Variants in MTOR observed in about 807,000 individuals in gnomAD.
MTOR encodes serine/threonine-protein kinase mTOR.
Under a neutral mutation model 319.8 loss-of-function variants are expected in MTOR, and 70 were observed. The ratio of observed to expected loss-of-function variants is 0.22; its 90% confidence interval spans 0.18 to 0.27. The LOEUF (loss-of-function observed/expected upper bound fraction) is 0.27, where lower values mean the gene tolerates loss of function less well. Ranked by LOEUF, MTOR falls within the 10% of genes least tolerant of loss-of-function variation. MTOR has a pLI of 1.00. For synonymous variants in MTOR, 1,183 were observed against 1,211.4 expected (o/e 0.98, Z 0.49); for missense variants, 1,890 against 3,274.4 (o/e 0.58, Z 10.32).
In MTOR at chr1:11,126,709, T is replaced by C. The variant is rs370987224; in HGVS notation, c.6439A>G (p.Asn2147Asp). Residue 2147 changes from asparagine (N) to aspartate (D), a missense_variant, in exon 46 of 58, where the codon AAC becomes GAC. Transcript: ENST00000361445. ...ELAVPGTYDP[N>D]QPIIRIQSIA... Reference sequence around the variant, plus strand: ...GACTGAATGCGAATGATTGGCTGGTTGGGGTCATATGTTCCTGGCACAGCC... The same window carrying C: ...GACTGAATGCGAATGATTGGCTGGTCGGGGTCATATGTTCCTGGCACAGCC... 6.2e-7 allele frequency: 1 copy of C among 1,614,000 alleles called. No homozygotes were observed. The highest frequency in any genetic ancestry group is 8.5e-7 in the Non-Finnish European group (1 of 1,179,998).
Position 11,126,815 on chromosome 1 carries a change from G to A in MTOR, c.6352-19C>T, listed in dbSNP as rs757434559. ...ATGTGAGCTGTAAATAATTACCAAA[G>A]GATTTAGTGTTCTGCCTCCAGGGAA... is the stretch of plus-strand genomic sequence containing the variant. On this transcript the variant is annotated intron_variant, in intron 45 of 57. Coordinates refer to ENST00000361445, the MANE Select transcript of MTOR (RefSeq NM_004958.4). 4.2e-5 allele frequency: 68 copies of A among 1,610,420 alleles called. No individual in the cohort carries two copies. The highest frequency in any genetic ancestry group is 5.2e-5 in the Non-Finnish European group (61 of 1,178,330).
Position 11,233,505 on chromosome 1 carries a change from G to A in MTOR, c.2332-18C>T. ...ATTAATGCCTAGAGAAAGAAGTTAT[G>A]AGAAAATGAATGCAGATTAGACTCT... On this transcript the variant is annotated intron_variant, in intron 14 of 57. Coordinates refer to ENST00000361445, the MANE Select transcript of MTOR (RefSeq NM_004958.4). 1 of 1,599,560 alleles carries A rather than the reference G, an allele frequency of 6.3e-7. No individual in the cohort carries two copies. The highest frequency in any genetic ancestry group is 8.6e-7 in the Non-Finnish European group (1 of 1,166,900).
intron 28 of MTOR, chr1:11,189,587 A>G (rs1479420470): frequency 6.2e-7 from 1 of 1,600,714 alleles, no homozygotes; most frequent in East Asian, 2.2e-5. Context: ...AAGATGCTGA[A>G]AAAGCCTCTC....
chr1:11,144,935 A>T lies in MTOR; in HGVS notation c.4764+33T>A. On this transcript the variant is annotated intron_variant, in intron 33 of 57. Transcript: ENST00000361445. ...GAAAAAAGTATGGAAATAAGCCTCA[A>T]AAATGACAATGTGCAGAATAGTTGA... 1.9e-6 allele frequency: 3 copies of T among 1,609,654 alleles called. 1 individual carries two copies.
intron 19 of MTOR, among the ~76,000 whole-genome samples, chr1:11,218,989 C>A (rs996636789): frequency 6.6e-6 from 1 of 151,526 alleles, no homozygotes; most frequent in African/African-American, 2.4e-5. Context: ...AGGCAGATCA[C>A]CCCGAGCTCA....
chr1:11,173,258 T>C (rs1047697135), intron 28 of MTOR, among the ~76,000 whole-genome samples: 3 of 152,006 alleles, frequency 2.0e-5, no homozygotes, highest in Non-Finnish European at 2.9e-5. Context: ...TCTCCCAAAG[T>C]GCTGGGATTA....
At chr1:11,207,102 G>A (rs1340746844) in intron 25 of MTOR, among the ~76,000 whole-genome samples, 1 of 151,876 alleles carries the variant, frequency 6.6e-6, no homozygotes, top group Non-Finnish European at 1.5e-5. Flanking sequence ...GCCTTTTTTT[G>A]TCGTTGTTGT....
Position 11,233,383 on chromosome 1 carries a change from T to C in MTOR, c.2421+15A>G. ...CACCCTATCTCCGCTATGGAAAAAG[T>C]AGCTGCCCCTTTACCTGTGCCAATT... is the stretch of plus-strand genomic sequence containing the variant. On this transcript the variant is annotated intron_variant, in intron 15 of 57. Coordinates refer to ENST00000361445, the MANE Select transcript of MTOR (RefSeq NM_004958.4). 6.2e-7 allele frequency: 1 copy of C among 1,611,140 alleles called. No individual in the cohort carries two copies. The highest frequency in any genetic ancestry group is 1.1e-5 in the South Asian group (1 of 90,874).
At chr1:11,137,839 C>T (rs1458047355) in intron 36 of MTOR, among the ~76,000 whole-genome samples, 1 of 152,206 alleles carries the variant, frequency 6.6e-6, no homozygotes, top group Non-Finnish European at 1.5e-5. Flanking sequence ...AAATACTTTC[C>T]TTTGCCTCAG....
chr1:11,185,334 G>A (rs867365802), intron 28 of MTOR, among the ~76,000 whole-genome samples: 4 of 150,028 alleles, frequency 2.7e-5, no homozygotes, highest in South Asian at 2.1e-4. Context: ...CTAGCACTTT[G>A]AGAGGCTGAG....
At chr1:11,246,573 C>T (rs1300349844) in intron 8 of MTOR, among the ~76,000 whole-genome samples, 1 of 148,944 alleles carries the variant, frequency 6.7e-6, no homozygotes, top group Non-Finnish European at 1.5e-5. Flanking sequence ...TGTTTAACAC[C>T]TGACCAGCTA....
rs879884938 is a variant in MTOR at position 11,235,980 on chromosome 1, C to CA, written c.2209-1716dup. On this transcript the variant is annotated intron_variant, in intron 13 of 57. Coordinates refer to ENST00000361445, the MANE Select transcript of MTOR (RefSeq NM_004958.4). Reference sequence around the variant, plus strand: ...CTGGCGACAGAGCGAGACTGTGTCTCAAAAAAAAAAAAGAAAGAAGATTGC... The same window carrying CA: ...CTGGCGACAGAGCGAGACTGTGTCTCAAAAAAAAAAAAAGAAAGAAGATTGC... 9.2e-3 allele frequency among the ~76,000 whole-genome samples: 1,239 copies of CA among 134,764 alleles called. 22 individuals carry two copies. The highest frequency in any genetic ancestry group is 0.029 in the African/African-American group (1,064 of 36,724). 88.4% of individuals were successfully genotyped at this position (134,764 alleles called of 152,430 possible).
Position 11,121,294 on chromosome 1 carries a change from A to T in MTOR, c.6885T>A (p.Ala2295=), listed in dbSNP as rs1482927812. ...EVFEHAVNNT[A]GDDLAKLLWL... ...ACAGCAGCTTGGCCAGGTCGTCCCC[A>T]GCTGTATTATTGACGGCATGCTCAA... The change falls in exon 49 of 58, where the codon GCT becomes GCA. Residue 2295 remains alanine (A), a synonymous_variant. Transcript: ENST00000361445. The surrounding 1 kb of genome is among the most constrained non-coding windows in gnomAD (Gnocchi z 4.9). The T allele has an allele frequency of 6.2e-7, 1 of 1,614,072 alleles. No homozygotes were observed. The highest frequency in any genetic ancestry group is 1.1e-5 in the South Asian group (1 of 91,084).
chr1:11,126,809 A>C lies in MTOR; in HGVS notation c.6352-13T>G, dbSNP rs745360663. The C allele has an allele frequency of 1.9e-6, 3 of 1,611,798 alleles. No homozygotes were observed. The Admixed American group carries it at 5.0e-5, about 27-fold the overall frequency. Reference sequence around the variant, plus strand: ...CTAAGGATGTGAGCTGTAAATAATTACCAAAGGATTTAGTGTTCTGCCTCC... The same window carrying C: ...CTAAGGATGTGAGCTGTAAATAATTCCCAAAGGATTTAGTGTTCTGCCTCC... On this transcript the variant is annotated splice_polypyrimidine_tract_variant and intron_variant, in intron 45 of 57. Coordinates refer to ENST00000361445, the MANE Select transcript of MTOR (RefSeq NM_004958.4).
intron 19 of MTOR, among the ~76,000 whole-genome samples, chr1:11,225,362 A>AT (rs956307918): frequency 6.6e-6 from 1 of 151,810 alleles, no homozygotes; most frequent in African/African-American, 2.4e-5. Context: ...TTCTAACACA[A>AT]TTTTTTTTAA....
At chr1:11,168,629 T>C (rs1039674551) in intron 28 of MTOR, among the ~76,000 whole-genome samples, 3 of 152,220 alleles carry the variant, frequency 2.0e-5, no homozygotes, top group South Asian at 2.1e-4. Flanking sequence ...TTTCTTGAAC[T>C]GGCCTCTACT....
chr1:11,140,867 T>C (rs1465170496), intron 34 of MTOR, among the ~76,000 whole-genome samples: 1 of 152,130 alleles, frequency 6.6e-6, no homozygotes, highest in African/African-American at 2.4e-5. Context: ...TCATTCAAAG[T>C]TGAAAAATGA....
Position 11,127,508 on chromosome 1 carries a change from T to C in MTOR, c.6216+116A>G. On this transcript the variant is annotated intron_variant, in intron 44 of 57. Transcript: ENST00000361445. This position sits in a 1 kb window ranked among gnomAD's most constrained non-coding sequence, Gnocchi z 5.5. ...TGGAAAGGCCAGAGGAAAAGAAATC[T>C]GACAAAGGCCTTGGGTCACGTCCTT... is the stretch of plus-strand genomic sequence containing the variant. 1 of 1,252,262 alleles carries C rather than the reference T, an allele frequency of 8.0e-7. No homozygotes were observed. The highest frequency in any genetic ancestry group is 1.1e-6 in the Non-Finnish European group (1 of 916,068). The allele number at this position is 1,252,262 out of a possible 1,614,324, so 77.6% of individuals were successfully genotyped here.
At chr1:11,151,798 T>C (rs1373805117) in intron 30 of MTOR, among the ~76,000 whole-genome samples, 1 of 152,234 alleles carries the variant, frequency 6.6e-6, no homozygotes. Context: ...TTACAGCTGG[T>C]GAACACAAGC....
Sources: gnomAD v4.1 joint callset for allele counts (sites outside exome capture counted in the v4.1 genomes callset) on GRCh38, gnomAD v4.1.1 for gene constraint, Gnocchi (gnomAD v3.1) non-coding constraint, MANE v1.5 for transcripts, NCBI Gene and HGNC (gene_info 2026-07-23, HGNC 2026-07-21) for gene names.